CNRIP1: variants seen among roughly 807,000 people sequenced by gnomAD.
The protein encoded by CNRIP1 is CB1 cannabinoid receptor-interacting protein 1.
Under a neutral mutation model 15.2 loss-of-function variants are expected in CNRIP1, and 10 were observed. The observed-to-expected ratio is 0.66, with a 90% confidence interval of 0.41 to 1.12. CNRIP1 has a LOEUF of 1.12. Ranked by LOEUF, CNRIP1 falls within the 50% of genes most tolerant of loss-of-function variation. The probability of loss-of-function intolerance (pLI) is 0.00; values close to 1 mark genes in which losing one functional copy is unlikely to be tolerated. For missense variants in CNRIP1, 211 were observed against 214.7 expected, an observed-to-expected ratio of 0.98 and a Z score of 0.11; for synonymous variants, 91 against 83.2, an observed-to-expected ratio of 1.09 and a Z score of -0.51.
At chr2:68,303,093 C>A (rs557466307) in intron 2 of CNRIP1, among the ~76,000 whole-genome samples, 141 of 142,984 alleles carry the variant, frequency 9.9e-4, no homozygotes, top group Non-Finnish European at 1.6e-3. Flanking sequence ...GTGATCCACC[C>A]GCCTTGGCCC....
chr2:68,285,496 C>G (rs1671006598), intron 2 of CNRIP1, among the ~76,000 whole-genome samples: 1 of 151,658 alleles, frequency 6.6e-6, no homozygotes, highest in Non-Finnish European at 1.5e-5. Flanking sequence ...AAACCCATCT[C>G]TACAAAAATT....
At chr2:68,305,787 C>G (rs1056806032) in intron 2 of CNRIP1, among the ~76,000 whole-genome samples, 2 of 123,064 alleles carry the variant, frequency 1.6e-5, no homozygotes, top group African/African-American at 6.3e-5. Context: ...CAGAGAAAGA[C>G]TCTTCCAAAA....
At chr2:68,299,284 A>T (rs774579516) in intron 2 of CNRIP1, among the ~76,000 whole-genome samples, 25 of 152,144 alleles carry the variant, frequency 1.6e-4, no homozygotes, top group Non-Finnish European at 3.4e-4. Flanking sequence ...CACAGGTAGA[A>T]TGCTTTAGGG....
In CNRIP1 at chr2:68,317,268, C is replaced by G; in HGVS notation, c.219G>C (p.Leu73=). 6.2e-7 allele frequency: 1 copy of G among 1,614,166 alleles called. No homozygotes were observed. The highest frequency in any genetic ancestry group is 8.5e-7 in the Non-Finnish European group (1 of 1,180,028). Residue 73 remains leucine (L), a synonymous_variant, in exon 2 of 3, where the codon CTG becomes CTC. Transcript: ENST00000263655. ...SIGGVLVPLE[L]KSKEPDGDRV... ...TGTCCCCATCAGGCTCTTTAGACTT[C>G]AGTTCCAGTGGGACAAGCACACCAC...
intron 2 of CNRIP1, among the ~76,000 whole-genome samples, chr2:68,284,851 G>A (rs1251451094): frequency 6.6e-6 from 1 of 151,444 alleles, no homozygotes; most frequent in Admixed American, 6.6e-5. Context: ...ACAGCGAAGC[G>A]AATTCTGTGA....
chr2:68,304,982 C>T (rs1671756336), intron 2 of CNRIP1, among the ~76,000 whole-genome samples: 1 of 152,064 alleles, frequency 6.6e-6, no homozygotes, highest in Admixed American at 6.6e-5. Flanking sequence ...CAGCAGCTCA[C>T]GCCTATAATC....
At chr2:68,317,388 G>A in intron 1 of CNRIP1, 81 bp from the exon 2 acceptor site, 2 of 1,492,758 alleles carry the variant, frequency 1.3e-6, no homozygotes, top group Non-Finnish European at 1.8e-6. Context: ...ACTCTAGGCA[G>A]GAAACTTACA....
At chr2:68,312,647 GAAAGA>G (rs1325228616) in intron 2 of CNRIP1, among the ~76,000 whole-genome samples, 2 of 152,004 alleles carry the variant, frequency 1.3e-5, no homozygotes, top group Non-Finnish European at 2.9e-5. Context: ...ATACAGATTG[GAAAGA>G]AAAGAGAAAC....
At chr2:68,298,776 A>G (rs1031035198) in intron 2 of CNRIP1, among the ~76,000 whole-genome samples, 16 of 151,962 alleles carry the variant, frequency 1.1e-4, no homozygotes, top group African/African-American at 3.6e-4. Flanking sequence ...TTGGAGCTCT[A>G]TTTCCTGGGC....
intron 2 of CNRIP1, among the ~76,000 whole-genome samples, chr2:68,301,320 G>T: frequency 6.6e-6 from 1 of 152,192 alleles, no homozygotes; most frequent in African/African-American, 2.4e-5. Flanking sequence ...TGGAGAAAGA[G>T]CACCTGACAG....
In CNRIP1 at chr2:68,319,720, G is replaced by GC. The variant is rs1339216530; in HGVS notation, c.-321dup. On this transcript the variant is annotated 5_prime_UTR_variant, in exon 1 of 3. Transcript: ENST00000263655. ...GAAGGCTCGCTCTGGCCCGCAGGCC[G>GC]CCGCGCAGATCCGCGCAGCTGGGGG... The GC allele has an allele frequency of 3.1e-6, 1 of 318,202 alleles. No homozygotes were observed. The highest frequency in any genetic ancestry group is 5.9e-6 in the Non-Finnish European group (1 of 170,686). 19.7% of individuals were successfully genotyped at this position (318,202 alleles called of 1,614,324 possible). A position where few individuals can be genotyped will look rare whatever the true frequency, so the allele number is the denominator to read the frequency against.
intron 2 of CNRIP1, among the ~76,000 whole-genome samples, chr2:68,303,323 A>C (rs1211779705): frequency 6.6e-6 from 1 of 152,198 alleles, no homozygotes; most frequent in Non-Finnish European, 1.5e-5. Flanking sequence ...GCTACCTTTC[A>C]CTTAAAATAT....
intron 2 of CNRIP1, among the ~76,000 whole-genome samples, chr2:68,308,057 G>T (rs1671924990): frequency 1.3e-5 from 2 of 152,062 alleles, no homozygotes; most frequent in African/African-American, 4.8e-5. Flanking sequence ...GCTTGGCGTG[G>T]TGGCATGTGG....
At chr2:68,311,786 A>G (rs1434292896) in intron 2 of CNRIP1, among the ~76,000 whole-genome samples, 4 of 150,886 alleles carry the variant, frequency 2.7e-5, no homozygotes, top group Admixed American at 6.6e-5. Context: ...GGGGAAAAAA[A>G]AAAAAAAAAA....
intron 2 of CNRIP1, among the ~76,000 whole-genome samples, chr2:68,302,696 C>T (rs183036463): frequency 6.6e-6 from 1 of 152,110 alleles, no homozygotes; most frequent in East Asian, 1.9e-4. Flanking sequence ...TGGGCAGTGG[C>T]AAATCAAGGC....
chr2:68,286,589 A>C (rs898440007), intron 2 of CNRIP1, among the ~76,000 whole-genome samples: 8 of 152,236 alleles, frequency 5.3e-5, no homozygotes, highest in Non-Finnish European at 8.8e-5. Context: ...CATTCAAAAA[A>C]TATTTTTGTC....
rs569567479 is a variant in CNRIP1 at position 68,302,189 on chromosome 2, A to G, written c.331-8163T>C. 3.9e-5 allele frequency among the ~76,000 whole-genome samples: 6 copies of G among 152,292 alleles called. 1 individual carries two copies. The South Asian group carries it at 1.2e-3, about 32-fold the overall frequency. On this transcript the variant is annotated intron_variant, in intron 2 of 2. Transcript: ENST00000263655. ...GCTTAATTTCCTACATCTTATGATTATCTCTTACACATTTCTAATAATTTG... is the reference window on the plus strand; with the variant it reads ...GCTTAATTTCCTACATCTTATGATTGTCTCTTACACATTTCTAATAATTTG...
intron 1 of CNRIP1, 31 bp from the exon 2 acceptor site, chr2:68,317,338 T>C: frequency 6.2e-7 from 1 of 1,609,902 alleles, no homozygotes; most frequent in Non-Finnish European, 8.5e-7. Flanking sequence ...CCACATACGG[T>C]TGAAATTAGC....
intron 2 of CNRIP1, among the ~76,000 whole-genome samples, chr2:68,307,902 A>G (rs561859593): frequency 6.6e-6 from 1 of 152,280 alleles, no homozygotes; most frequent in East Asian, 1.9e-4. Context: ...TAGAAAAATG[A>G]TATCATTGGG....
Sources: gnomAD v4.1 joint callset for allele counts (sites outside exome capture counted in the v4.1 genomes callset) on GRCh38, gnomAD v4.1.1 for gene constraint, MANE v1.5 for transcripts, NCBI Gene and HGNC (gene_info 2026-07-23, HGNC 2026-07-21) for gene names.